Variants in RGS6 observed in about 807,000 individuals in gnomAD.
RGS6 encodes regulator of G protein signaling 6, also known as regulator of G-protein signaling 6.
In RGS6, 30 loss-of-function variants were observed where a neutral mutation model predicts 78.5. That is an observed-to-expected ratio of 0.38 (90% CI 0.29 to 0.52). The LOEUF is 0.52. RGS6 is among the 20% of genes least tolerant of loss of function. The pLI, the probability that RGS6 is intolerant of heterozygous loss-of-function variation, is 0.85. For synonymous variants in RGS6, 206 were observed against 206.0 expected (o/e 1.00, Z 0.00); for missense variants, 495 against 609.7 (o/e 0.81, Z 1.98).
intron 2 of RGS6, among the ~76,000 whole-genome samples, chr14:72,184,425 GAA>G (rs1400080389): frequency 2.0e-5 from 3 of 147,112 alleles, no homozygotes; most frequent in Non-Finnish European, 3.0e-5. Flanking sequence ...AAGAGGGAGA[GAA>G]AGAGAGAGAA....
intron 13 of RGS6, among the ~76,000 whole-genome samples, chr14:72,507,011 A>AT (rs2096813388): frequency 7.2e-6 from 1 of 138,040 alleles, no homozygotes; most frequent in African/African-American, 3.1e-5. Flanking sequence ...AAAAAAAAAA[A>AT]AAAAAAAATT....
intron 2 of RGS6, among the ~76,000 whole-genome samples, chr14:72,034,790 C>T (rs1014843471): frequency 4.6e-5 from 7 of 152,086 alleles, no homozygotes; most frequent in Admixed American, 2.0e-4. Context: ...ACCATCTGGT[C>T]CGGGGCTTTT....
chr14:72,472,180 A>G (rs2096097280), intron 8 of RGS6, among the ~76,000 whole-genome samples: 1 of 149,532 alleles, frequency 6.7e-6, no homozygotes, highest in African/African-American at 2.5e-5. Flanking sequence ...AAGAAAAAAA[A>G]AAAAAGAAAG....
At chr14:72,419,272 A>C (rs1240500239) in intron 3 of RGS6, among the ~76,000 whole-genome samples, 1 of 152,244 alleles carries the variant, frequency 6.6e-6, no homozygotes, top group Admixed American at 6.5e-5. Flanking sequence ...CAAGTGTCTT[A>C]CAAGTATTCG....
chr14:71,890,489 G>A, the RGS6 span, among the ~76,000 whole-genome samples: 168 of 152,176 alleles, frequency 1.1e-3, 1 homozygote, highest in African/African-American at 3.9e-3. Context: ...CCAACTGTCA[G>A]ATGCTTTTGA....
intron 2 of RGS6, among the ~76,000 whole-genome samples, chr14:72,303,210 C>A (rs998098320): frequency 6.6e-6 from 1 of 152,100 alleles, no homozygotes; most frequent in Non-Finnish European, 1.5e-5. Context: ...CTAAAAATAC[C>A]AACTTCCAGG....
At chr14:72,438,240 G>A (rs1425523282) in intron 3 of RGS6, among the ~76,000 whole-genome samples, 1 of 152,106 alleles carries the variant, frequency 6.6e-6, no homozygotes, top group Admixed American at 6.5e-5. Flanking sequence ...GACATGCCAG[G>A]GGTCCCTGTT....
chr14:72,095,714 T>C (rs560430688), intron 2 of RGS6, among the ~76,000 whole-genome samples: 1 of 152,252 alleles, frequency 6.6e-6, no homozygotes, highest in Non-Finnish European at 1.5e-5. Context: ...CAGCCTGTTA[T>C]GTACTGTACA....
chr14:71,890,232 C>T, the RGS6 span, among the ~76,000 whole-genome samples: 1 of 152,256 alleles, frequency 6.6e-6, no homozygotes, highest in South Asian at 2.1e-4. Flanking sequence ...CATTTTGTGT[C>T]ATTTTAATGC....
At chr14:72,625,192 A>G in the RGS6 span, among the ~76,000 whole-genome samples, 21 of 152,104 alleles carry the variant, frequency 1.4e-4, no homozygotes, top group Non-Finnish European at 2.6e-4. Flanking sequence ...AGTGTGCCCA[A>G]TGATTATTTC....
chr14:71,982,882 A>G (rs2094530527), intron 2 of RGS6, among the ~76,000 whole-genome samples: 1 of 152,186 alleles, frequency 6.6e-6, no homozygotes, highest in South Asian at 2.1e-4. Context: ...ACATCTAGTT[A>G]GCCATTGTCA....
chr14:72,585,965 G>A, the RGS6 span, among the ~76,000 whole-genome samples: 8 of 152,194 alleles, frequency 5.3e-5, no homozygotes, highest in African/African-American at 1.2e-4. Flanking sequence ...ATTATCTTTC[G>A]AAGACACAAT....
intron 3 of RGS6, among the ~76,000 whole-genome samples, chr14:72,401,093 G>A (rs1430732670): frequency 6.6e-6 from 1 of 151,810 alleles, no homozygotes; most frequent in Non-Finnish European, 1.5e-5. Flanking sequence ...TTTTTTTTAG[G>A]CATTGCTAAG....
At chr14:72,396,908 C>G (rs2091432339) in intron 3 of RGS6, among the ~76,000 whole-genome samples, 1 of 152,166 alleles carries the variant, frequency 6.6e-6, no homozygotes, top group East Asian at 1.9e-4. Context: ...GTCTATATCT[C>G]TGTTTTGGTA....
At chr14:72,095,273 G>A (rs1280047722) in intron 2 of RGS6, among the ~76,000 whole-genome samples, 2 of 152,094 alleles carry the variant, frequency 1.3e-5, no homozygotes. Flanking sequence ...TGAATCATTG[G>A]TGGTTTTAGC....
the RGS6 span, among the ~76,000 whole-genome samples, chr14:72,585,577 C>T: frequency 1.3e-5 from 2 of 152,174 alleles, no homozygotes; most frequent in Non-Finnish European, 2.9e-5. Context: ...TGGAAAATAG[C>T]TTTTACACCC....
intron 5 of RGS6, among the ~76,000 whole-genome samples, chr14:72,459,291 G>A (rs1236245439): frequency 2.0e-5 from 3 of 152,176 alleles, no homozygotes; most frequent in Admixed American, 6.5e-5. Flanking sequence ...TTCAGACTAG[G>A]TTAAAGGGAG....
chr14:72,036,684 A>G (rs1402363659), intron 2 of RGS6, among the ~76,000 whole-genome samples: 1 of 152,036 alleles, frequency 6.6e-6, no homozygotes, highest in African/African-American at 2.4e-5. Context: ...TGTTCTCTCA[A>G]TATTGAGTTT....
intron 2 of RGS6, among the ~76,000 whole-genome samples, chr14:72,019,089 T>C (rs916926235): frequency 6.6e-6 from 1 of 152,110 alleles, no homozygotes; most frequent in African/African-American, 2.4e-5. Context: ...AGGCAGCACG[T>C]GAAGTCCTTT....
Sources: allele counts gnomAD v4.1 joint callset (sites outside exome capture counted in the v4.1 genomes callset), GRCh38; gene constraint gnomAD v4.1.1; transcripts MANE v1.5; gene names NCBI Gene and HGNC (gene_info 2026-07-23, HGNC 2026-07-21).